ADGRV1: variants seen among roughly 807,000 people sequenced by gnomAD.
The protein encoded by ADGRV1 is adhesion G protein-coupled receptor V1.
A neutral mutation model predicts 596.2 loss-of-function variants in ADGRV1; 359 were observed. The ratio of observed to expected loss-of-function variants is 0.60; its 90% CI spans 0.55 to 0.66. The LOEUF (loss-of-function observed/expected upper bound fraction) is 0.66, where lower values mean the gene tolerates loss of function less well. Ranked by LOEUF, ADGRV1 falls within the 30% of genes least tolerant of loss-of-function variation. ADGRV1 has a pLI of 0.00. For missense variants in ADGRV1, 7,274 were observed against 7,575.6 expected, an observed-to-expected ratio of 0.96 and a Z score of 1.48; for synonymous variants, 2,681 against 2,679.2, an observed-to-expected ratio of 1.00 and a Z score of -0.02.
rs759726637 is a variant in ADGRV1 at position 90,811,118 on chromosome 5, A to G, written c.15858A>G (p.Thr5286=). Residue 5286 remains threonine, a synonymous_variant, in exon 74 of 90, where the codon ACA becomes ACG. Transcript: ENST00000405460. The part of the protein sequence containing the change: ...FRGIYGISNL[T]WAVEEEDFEE... ...GTATCTATGGGATTTCCAACCTAACATGGGCAGTTGAAGAAGAAGACTTTG... is the reference window on the plus strand; with the variant it reads ...GTATCTATGGGATTTCCAACCTAACGTGGGCAGTTGAAGAAGAAGACTTTG... The G allele has an allele frequency of 1.6e-5, 26 of 1,613,872 alleles. No individual in the cohort carries two copies. Among genetic ancestry groups the G allele is most frequent in the Admixed American group, 1.3e-4 (8 of 60,032 alleles).
chr5:90,712,518 G>T (rs994556393), intron 42 of ADGRV1, 90 bp downstream of exon 42: 1 of 937,390 alleles, frequency 1.1e-6, no homozygotes, highest in Non-Finnish European at 1.6e-6. Context: ...GAAAGTCTTG[G>T]TGGTTTTCTG....
intron 85 of ADGRV1, among the ~76,000 whole-genome samples, chr5:91,048,148 G>A (rs1212491431): frequency 6.6e-6 from 1 of 152,184 alleles, no homozygotes; most frequent in East Asian, 1.9e-4. Flanking sequence ...TGGAAGAGAG[G>A]CAGGAAAATA....
At chr5:91,001,033 A>C (rs1254435862) in intron 85 of ADGRV1, among the ~76,000 whole-genome samples, 1 of 152,136 alleles carries the variant, frequency 6.6e-6, no homozygotes, top group Non-Finnish European at 1.5e-5. Context: ...AACACCCAGA[A>C]TAATGTTTGA....
intron 84 of ADGRV1, among the ~76,000 whole-genome samples, chr5:90,966,649 T>TGA (rs1778500692): frequency 6.7e-6 from 1 of 150,318 alleles, no homozygotes; most frequent in Admixed American, 6.6e-5. Context: ...AGGTACAGAG[T>TGA]GAGACCAGTA....
intron 86 of ADGRV1, 145 bp from the exon 87 acceptor site, chr5:91,102,074 C>G: frequency 4.2e-6 from 3 of 709,386 alleles, no homozygotes; most frequent in South Asian, 4.0e-5. Context: ...TGTGCCTTCT[C>G]CCCTCTGGCA....
At chr5:90,730,514 C>A (rs1016064426) in intron 50 of ADGRV1, among the ~76,000 whole-genome samples, 10 of 152,188 alleles carry the variant, frequency 6.6e-5, no homozygotes, top group African/African-American at 2.2e-4. Flanking sequence ...CTCCCAACCT[C>A]CTCCACAGTC....
chr5:90,794,741 G>A (rs758593173), intron 70 of ADGRV1, among the ~76,000 whole-genome samples: 2 of 152,268 alleles, frequency 1.3e-5, no homozygotes, highest in South Asian at 2.1e-4. Context: ...TGAGATCGAC[G>A]CAGAAGGCAG....
intron 42 of ADGRV1, among the ~76,000 whole-genome samples, chr5:90,714,908 A>G (rs1292134542): frequency 1.3e-5 from 2 of 152,112 alleles, no homozygotes; most frequent in Non-Finnish European, 2.9e-5. Context: ...TTCTTTCTCT[A>G]AATTATCTCA....
intron 85 of ADGRV1, among the ~76,000 whole-genome samples, chr5:91,051,217 A>T (rs983952466): frequency 6.6e-6 from 1 of 152,220 alleles, no homozygotes; most frequent in African/African-American, 2.4e-5. Flanking sequence ...TTTTAAATAT[A>T]TTCAACTTCT....
intron 86 of ADGRV1, among the ~76,000 whole-genome samples, chr5:91,099,477 G>C (rs1475589237): frequency 1.3e-5 from 2 of 152,220 alleles, no homozygotes; most frequent in Non-Finnish European, 2.9e-5. Flanking sequence ...TCCATGTGAG[G>C]GGTGCAGTGC....
chr5:90,673,420 C>T (rs1772767675), intron 22 of ADGRV1, among the ~76,000 whole-genome samples: 1 of 152,148 alleles, frequency 6.6e-6, no homozygotes, highest in African/African-American at 2.4e-5. Context: ...TGATGTAATA[C>T]TGATGCATGT....
At chr5:90,904,946 T>C (rs992076846) in intron 83 of ADGRV1, among the ~76,000 whole-genome samples, 5 of 152,048 alleles carry the variant, frequency 3.3e-5, no homozygotes, top group African/African-American at 1.2e-4. Context: ...GTTTCACTCT[T>C]TGGCATATGG....
In ADGRV1 at chr5:90,989,739, T is replaced by G. The variant is rs867951386; in HGVS notation, c.18152+4217T>G. ...CACACTAAACTGCTGAACCAGTTTT[T>G]TAAAAATCATTCTTCCCACTCTCCT... On this transcript the variant is annotated intron_variant, in intron 85 of 89. Transcript: ENST00000405460. Among the ~76,000 whole-genome samples, 5 of 152,356 alleles carry G rather than the reference T, an allele frequency of 3.3e-5. No homozygotes were observed. In the South Asian group the frequency reaches 1.0e-3, roughly 32 times the overall value.
chr5:90,600,504 A>G (rs1213773033), intron 1 of ADGRV1, among the ~76,000 whole-genome samples: 1 of 152,216 alleles, frequency 6.6e-6, no homozygotes, highest in Non-Finnish European at 1.5e-5. Flanking sequence ...TTATGGCTGC[A>G]TACTATTCCA....
chr5:90,775,108 C>G (rs746451880), intron 60 of ADGRV1, among the ~76,000 whole-genome samples: 1 of 152,018 alleles, frequency 6.6e-6, no homozygotes, highest in Non-Finnish European at 1.5e-5. Flanking sequence ...ACAATAATAA[C>G]CAACCATAAA....
At chr5:90,768,485 A>G (rs780970376) in intron 59 of ADGRV1, among the ~76,000 whole-genome samples, 1 of 152,184 alleles carries the variant, frequency 6.6e-6, no homozygotes, top group Non-Finnish European at 1.5e-5. Context: ...CATTGGCAAT[A>G]AGGAAACCTA....
At position 90,707,723 on chromosome 5, in the gene ADGRV1, A is replaced by C. The variant is rs565953343; in HGVS notation, c.8731-1093A>C. Among the ~76,000 whole-genome samples the C allele has an allele frequency of 3.2e-4, 48 of 152,326 alleles. 1 individual carries two copies. The highest frequency in any genetic ancestry group is 4.6e-4 in the Non-Finnish European group (31 of 68,026). On this transcript the variant is annotated intron_variant, in intron 38 of 89. Coordinates refer to ENST00000405460, the MANE Select transcript of ADGRV1 (RefSeq NM_032119.4). ...TTAGTTTTTAAAGCAGAGAATACAC[A>C]GTCACCCTTCTTTTCTCTGAGGAGT...
At chr5:91,093,092 C>A (rs1168488870) in intron 86 of ADGRV1, among the ~76,000 whole-genome samples, 1 of 152,136 alleles carries the variant, frequency 6.6e-6, no homozygotes, top group East Asian at 1.9e-4. Flanking sequence ...CTAATACTTA[C>A]CAAATTGATG....
At chr5:90,740,190 G>T (rs111648522) in intron 50 of ADGRV1, among the ~76,000 whole-genome samples, 1 of 152,032 alleles carries the variant, frequency 6.6e-6, no homozygotes, top group Non-Finnish European at 1.5e-5. Context: ...AGGGTCAGAG[G>T]GTCCCTTTGT....
Sources: gnomAD v4.1 joint callset for allele counts (sites outside exome capture counted in the v4.1 genomes callset) on GRCh38, gnomAD v4.1.1 for gene constraint, MANE v1.5 for transcripts, NCBI Gene and HGNC (gene_info 2026-07-23, HGNC 2026-07-21) for gene names.